PUS10: variants seen among roughly 807,000 people sequenced by gnomAD.
PUS10 encodes pseudouridine synthase 10, also known as tRNA pseudouridine synthase Pus10.
A neutral mutation model predicts 75.0 loss-of-function variants in PUS10; 59 were observed. That is an observed-to-expected ratio of 0.79 (90% CI 0.64 to 0.98). PUS10 has a LOEUF of 0.98. Among genes scored for constraint, PUS10 ranks in the 50% least tolerant of loss-of-function variants. PUS10 has a pLI of 0.00. For missense variants in PUS10, 650 were observed against 614.4 expected, an observed-to-expected ratio of 1.06 and a Z score of -0.61; for synonymous variants, 219 against 211.6, an observed-to-expected ratio of 1.03 and a Z score of -0.30.
chr2:60,972,356 G>A (rs1257045133), intron 4 of PUS10, among the ~76,000 whole-genome samples: 2 of 151,742 alleles, frequency 1.3e-5, no homozygotes, highest in African/African-American at 4.8e-5. Flanking sequence ...CGTAGTCCCA[G>A]CTACTTGAGA....
chr2:60,960,315 G>T, intron 11 of PUS10, 77 bp downstream of exon 11: 2 of 1,144,492 alleles, frequency 1.7e-6, no homozygotes, highest in Non-Finnish European at 2.4e-6. Context: ...CTGCAATCTA[G>T]CCTAGTTGAC....
At chr2:60,950,905 T>G (rs1335205088) in intron 15 of PUS10, among the ~76,000 whole-genome samples, 1 of 152,178 alleles carries the variant, frequency 6.6e-6, no homozygotes, top group African/African-American at 2.4e-5. Flanking sequence ...TATTTTAAAT[T>G]TTTGCAGTCA....
chr2:60,982,056 T>G (rs943187229), intron 4 of PUS10, among the ~76,000 whole-genome samples: 1 of 151,888 alleles, frequency 6.6e-6, no homozygotes, highest in Non-Finnish European at 1.5e-5. Flanking sequence ...GACCAATAAC[T>G]TTTCTTTTTC....
chr2:61,008,435 G>A (rs1257478506), intron 3 of PUS10, among the ~76,000 whole-genome samples: 3 of 152,078 alleles, frequency 2.0e-5, no homozygotes, highest in Admixed American at 6.6e-5. Context: ...AGGCTGCGAT[G>A]AGCCAAGATC....
intron 4 of PUS10, among the ~76,000 whole-genome samples, chr2:60,996,356 A>G (rs931837786): frequency 2.0e-5 from 3 of 152,116 alleles, no homozygotes; most frequent in Non-Finnish European, 4.4e-5. Context: ...CTTGCAACAC[A>G]TCCTAGTAGT....
chr2:60,942,340 A>G lies in PUS10; in HGVS notation c.*55T>C, dbSNP rs544713687. On this transcript the variant is annotated 3_prime_UTR_variant, in exon 18 of 18. Transcript: ENST00000316752. ...ACAGCCATTTTACGGCATGTGCTCC[A>G]TGGATGTCCACATCATGCCAGGAAA... 8.2e-6 allele frequency: 12 copies of G among 1,469,374 alleles called. No homozygotes were observed. In the East Asian group the frequency reaches 1.4e-4, roughly 17 times the overall value. The allele number at this position is 1,469,374 out of a possible 1,614,324, so 91.0% of individuals were successfully genotyped here.
chr2:60,976,248 A>G (rs1269028504), intron 4 of PUS10, among the ~76,000 whole-genome samples: 1 of 152,258 alleles, frequency 6.6e-6, no homozygotes, highest in Non-Finnish European at 1.5e-5. Flanking sequence ...TACTTTACAA[A>G]TAATAAAATT....
In PUS10 at chr2:60,941,781, A is replaced by G. The variant is rs966485402; in HGVS notation, c.*614T>C. The G allele has an allele frequency of 7.2e-5, 11 of 152,320 alleles. No individual in the cohort carries two copies. The highest frequency in any genetic ancestry group is 5.9e-4 in the Admixed American group (9 of 15,272). 9.4% of individuals were successfully genotyped at this position (152,320 alleles called of 1,614,324 possible). ...CTATATTGACAATTTTAGATTGTCAAAATTCTTTCTTAATGAAAGTATTAA... is the reference window on the plus strand; with the variant it reads ...CTATATTGACAATTTTAGATTGTCAGAATTCTTTCTTAATGAAAGTATTAA... On this transcript the variant is annotated 3_prime_UTR_variant, in exon 18 of 18. Transcript: ENST00000316752.
At chr2:60,959,725 C>G (rs531791130) in intron 11 of PUS10, among the ~76,000 whole-genome samples, 1 of 152,150 alleles carries the variant, frequency 6.6e-6, no homozygotes, top group East Asian at 1.9e-4. Context: ...CAGATATTCT[C>G]GAGTGCCTTG....
chr2:60,942,541 C>G lies in PUS10; in HGVS notation c.1552-108G>C, dbSNP rs567429116. The G allele has an allele frequency of 3.0e-5, 26 of 860,504 alleles. No homozygotes were observed. In the East Asian group the frequency reaches 4.7e-4, roughly 16 times the overall value. The allele number at this position is 860,504 out of a possible 1,614,324, so 53.3% of individuals were successfully genotyped here. On this transcript the variant is annotated intron_variant, in intron 17 of 17. Transcript: ENST00000316752. The stretch of plus-strand genomic sequence containing the variant: ...TTTTAATATAGTGCAACAGAAGAAA[C>G]TGCATTTGAAGAAAAGAGCTATTGA...
At chr2:60,976,594 A>C (rs1408151538) in intron 4 of PUS10, among the ~76,000 whole-genome samples, 1 of 152,238 alleles carries the variant, frequency 6.6e-6, no homozygotes, top group East Asian at 1.9e-4. Flanking sequence ...AAATTAAATC[A>C]AATGTCTTTA....
At chr2:61,010,709 C>T in intron 2 of PUS10, 1 of 1,454,464 alleles carries the variant, frequency 6.9e-7, no homozygotes, top group Non-Finnish European at 9.4e-7. Flanking sequence ...TCATCATTCC[C>T]ATTTACAGAG....
intron 8 of PUS10, 114 bp downstream of exon 8, chr2:60,964,944 T>A: frequency 2.2e-6 from 2 of 904,328 alleles, no homozygotes; most frequent in Non-Finnish European, 3.5e-6. Flanking sequence ...TAAAAGCTGA[T>A]TCTTAGTATA....
chr2:60,972,333 G>A (rs940643233), intron 4 of PUS10, among the ~76,000 whole-genome samples: 2 of 151,738 alleles, frequency 1.3e-5, no homozygotes, highest in African/African-American at 4.8e-5. Context: ...AGCCGGGCGT[G>A]GAGGCGGGCG....
rs1226588276 is a variant in PUS10 at position 60,953,058 on chromosome 2, G to T, written c.1247C>A (p.Ala416Asp). The T allele has an allele frequency of 1.9e-6, 3 of 1,608,926 alleles. No homozygotes were observed. Among genetic ancestry groups the T allele is most frequent in the Non-Finnish European group, 2.6e-6 (3 of 1,175,552 alleles). Residue 416 changes from alanine to aspartate, a missense_variant, in exon 15 of 18, where the codon GCC becomes GAC. Transcript: ENST00000316752. ...TATCGCTTTATTTGTCCAAATTAAG[G>T]CACTGTAGGTCTTTGTCTTTTCTTC... ...GEEEKTKTYS[A>D]LIWTNKAIQK...
chr2:60,944,177 C>T (rs1674799019), intron 17 of PUS10: 3 of 972,126 alleles, frequency 3.1e-6, no homozygotes, highest in African/African-American at 3.5e-5. Context: ...AGAAGGTTTT[C>T]TTCCTCCAAA....
At chr2:61,013,814 C>G (rs187862148) in intron 1 of PUS10, among the ~76,000 whole-genome samples, 23 of 152,116 alleles carry the variant, frequency 1.5e-4, no homozygotes, top group Non-Finnish European at 2.9e-4. Flanking sequence ...CACTTGAGGT[C>G]AGGAGTTCAA....
At chr2:60,959,474 T>C (rs1451840007) in intron 11 of PUS10, among the ~76,000 whole-genome samples, 1 of 152,210 alleles carries the variant, frequency 6.6e-6, no homozygotes, top group Admixed American at 6.5e-5. Flanking sequence ...CACTGCAACC[T>C]CTGCCTCCTG....
chr2:60,997,722 C>T (rs1429922732), intron 4 of PUS10, among the ~76,000 whole-genome samples: 5 of 151,828 alleles, frequency 3.3e-5, no homozygotes, highest in African/African-American at 1.2e-4. Flanking sequence ...TTTTGTGTGG[C>T]ATTATGCTGT....
Sources: allele counts gnomAD v4.1 joint callset (sites outside exome capture counted in the v4.1 genomes callset), GRCh38; gene constraint gnomAD v4.1.1; transcripts MANE v1.5; gene names NCBI Gene and HGNC (gene_info 2026-07-23, HGNC 2026-07-21).